Variants in ACBD3 observed in about 807,000 individuals in gnomAD.
ACBD3 encodes Golgi resident protein GCP60.
Under a neutral mutation model 66.9 loss-of-function variants are expected in ACBD3, and 30 were observed. That is an observed-to-expected ratio of 0.45 (90% CI 0.34 to 0.61). The LOEUF (loss-of-function observed/expected upper bound fraction) is 0.61. Among genes scored for constraint, ACBD3 ranks in the 20% least tolerant of loss-of-function variants. ACBD3 has a pLI of 0.02. For synonymous variants in ACBD3, 278 were observed against 259.8 expected (o/e 1.07, Z -0.68); for missense variants, 544 against 664.5 (o/e 0.82, Z 1.99).
intron 1 of ACBD3, among the ~76,000 whole-genome samples, chr1:226,176,901 T>C (rs570011165): frequency 6.6e-6 from 1 of 152,318 alleles, no homozygotes; most frequent in South Asian, 2.1e-4. Context: ...ACAGTATTTG[T>C]TAGTAGATAA....
At chr1:226,152,650 A>G in intron 6 of ACBD3, 31 bp from the exon 7 acceptor site, 1 of 1,592,512 alleles carries the variant, frequency 6.3e-7, no homozygotes, top group South Asian at 1.1e-5. Context: ...AAAGCTAAAG[A>G]AAAAGAGCCT....
intron 1 of ACBD3, among the ~76,000 whole-genome samples, chr1:226,175,009 C>T (rs1182589974): frequency 1.4e-5 from 2 of 146,740 alleles, no homozygotes; most frequent in Non-Finnish European, 1.5e-5. Flanking sequence ...ACAGGAGAAT[C>T]GCTTGAACCT....
At chr1:226,146,923 G>A (rs1452608666) in intron 7 of ACBD3, 102 bp from the exon 8 acceptor site, 12 of 1,146,398 alleles carry the variant, frequency 1.0e-5, no homozygotes, top group Non-Finnish European at 1.5e-5. Flanking sequence ...ACAGAGTCTT[G>A]CTCTGTCACC....
intron 6 of ACBD3, among the ~76,000 whole-genome samples, chr1:226,152,929 C>G (rs2102775646): frequency 6.6e-6 from 1 of 152,350 alleles, no homozygotes; most frequent in East Asian, 1.9e-4. Context: ...GGGAAGGCCC[C>G]AGCTGGAGTG....
intron 2 of ACBD3, among the ~76,000 whole-genome samples, chr1:226,165,602 T>C (rs565694257): frequency 1.4e-4 from 21 of 152,336 alleles, no homozygotes; most frequent in Admixed American, 7.8e-4. Flanking sequence ...CTTTTAATAT[T>C]ATTTGGGAAG....
intron 1 of ACBD3, among the ~76,000 whole-genome samples, chr1:226,176,595 T>C (rs1576240695): frequency 6.6e-6 from 1 of 152,176 alleles, no homozygotes; most frequent in East Asian, 1.9e-4. Context: ...TACTACAATT[T>C]TTTACACCTT....
At chr1:226,176,622 G>A (rs995542640) in intron 1 of ACBD3, among the ~76,000 whole-genome samples, 2 of 152,046 alleles carry the variant, frequency 1.3e-5, no homozygotes, top group African/African-American at 4.8e-5. Flanking sequence ...CAATAGTTGT[G>A]ATCCTGGTGG....
chr1:226,153,171 C>A (rs1194097411), intron 6 of ACBD3, among the ~76,000 whole-genome samples: 1 of 152,160 alleles, frequency 6.6e-6, no homozygotes. Context: ...TGTTACTGAG[C>A]AGTACCTATG....
At chr1:226,182,860 C>T (rs1045102771) in intron 1 of ACBD3, among the ~76,000 whole-genome samples, 1 of 152,216 alleles carries the variant, frequency 6.6e-6, no homozygotes, top group Non-Finnish European at 1.5e-5. Context: ...CAAAAGATAA[C>T]GTACTATTCA....
intron 1 of ACBD3, among the ~76,000 whole-genome samples, chr1:226,174,522 T>C (rs1015590526): frequency 6.6e-6 from 1 of 152,168 alleles, no homozygotes; most frequent in African/African-American, 2.4e-5. Context: ...CCCAGCACTT[T>C]GGGAGGCCAG....
chr1:226,154,876 T>A, intron 5 of ACBD3, 43 bp from the exon 6 acceptor site: 4 of 1,534,690 alleles, frequency 2.6e-6, no homozygotes, highest in Non-Finnish European at 3.5e-6. Flanking sequence ...CCAGGAAGGC[T>A]AGCAAATAAG....
Position 226,186,436 on chromosome 1 carries a change from A to G in ACBD3, c.240T>C (p.Gly80=). Residue 80 remains glycine, a synonymous_variant, in exon 1 of 8, where the codon GGT becomes GGC. Transcript: ENST00000366812. The part of the protein sequence containing the change: ...EEARRLEQRW[G]FGLEELYGLA... Reference sequence around the variant, plus strand: ...GGCCGTACAACTCCTCCAGGCCGAAACCCCAGCGCTGCTCCAGCCGCCGCG... The same window carrying G: ...GGCCGTACAACTCCTCCAGGCCGAAGCCCCAGCGCTGCTCCAGCCGCCGCG... The G allele has an allele frequency of 6.6e-7, 1 of 1,515,862 alleles. No individual in the cohort carries two copies. The highest frequency in any genetic ancestry group is 8.8e-7 in the Non-Finnish European group (1 of 1,134,384). 93.9% of individuals were successfully genotyped at this position (1,515,862 alleles called of 1,614,324 possible). A position where few individuals can be genotyped will look rare whatever the true frequency, so the allele number is the denominator to read the frequency against.
chr1:226,165,192 A>G (rs1467814119), intron 2 of ACBD3, among the ~76,000 whole-genome samples: 1 of 150,680 alleles, frequency 6.6e-6, no homozygotes, highest in Non-Finnish European at 1.5e-5. Context: ...TTTTTTTGAG[A>G]TAGGATCTCA....
intron 1 of ACBD3, among the ~76,000 whole-genome samples, chr1:226,173,757 CTT>C (rs145462202): frequency 1.1e-5 from 1 of 88,322 alleles, no homozygotes; most frequent in Non-Finnish European, 2.1e-5. Flanking sequence ...TTTTTCTTTT[CTT>C]TTTTTTTTTT....
intron 7 of ACBD3, among the ~76,000 whole-genome samples, chr1:226,147,205 A>G (rs1659472138): frequency 6.6e-6 from 1 of 152,196 alleles, no homozygotes; most frequent in South Asian, 2.1e-4. Flanking sequence ...TTTCTTTGAG[A>G]AACTGCTCTT....
At chr1:226,147,378 T>G (rs1462345946) in intron 7 of ACBD3, among the ~76,000 whole-genome samples, 1 of 152,228 alleles carries the variant, frequency 6.6e-6, no homozygotes, top group Non-Finnish European at 1.5e-5. Flanking sequence ...CATCTAGTGG[T>G]AGCAGTGGTC....
chr1:226,160,021 A>G (rs2102779564), intron 4 of ACBD3, among the ~76,000 whole-genome samples: 1 of 152,308 alleles, frequency 6.6e-6, no homozygotes, highest in East Asian at 1.9e-4. Flanking sequence ...TTAATAGAGG[A>G]AATACTGAAA....
chr1:226,177,648 C>G (rs1309106870), intron 1 of ACBD3, among the ~76,000 whole-genome samples: 1 of 152,110 alleles, frequency 6.6e-6, no homozygotes, highest in East Asian at 1.9e-4. Flanking sequence ...AGGATATTCC[C>G]AACCATGAGA....
intron 4 of ACBD3, among the ~76,000 whole-genome samples, chr1:226,159,975 A>G (rs1448710367): frequency 2.6e-5 from 4 of 152,202 alleles, no homozygotes; most frequent in Admixed American, 6.5e-5. Context: ...GCCAGTGAAA[A>G]ATTAAGGGTC....
Sources: allele counts gnomAD v4.1 joint callset (sites outside exome capture counted in the v4.1 genomes callset), GRCh38; gene constraint gnomAD v4.1.1; transcripts MANE v1.5; gene names NCBI Gene and HGNC (gene_info 2026-07-23, HGNC 2026-07-21).